The following ZNF257 variants were observed in gnomAD, a reference collection of about 807,000 sequenced individuals.
ZNF257 encodes zinc finger protein 257, also known as bone marrow zinc finger 4.
A neutral mutation model predicts 11.9 loss-of-function variants in ZNF257; 12 were observed. The ratio of observed to expected loss-of-function variants is 1.01; its 90% CI spans 0.65 to 1.63. ZNF257 has a LOEUF of 1.63. Among genes scored for constraint, ZNF257 ranks in the 40% most tolerant of loss-of-function variants. The probability of loss-of-function intolerance (pLI) is 0.00; values close to 1 mark genes in which losing one functional copy is unlikely to be tolerated. For missense variants in ZNF257, 580 were observed against 665.5 expected (o/e 0.87, Z 1.41); for synonymous variants, 183 against 222.7 (o/e 0.82, Z 1.59).
At chr19:22,083,346 C>G (rs777028760) in intron 3 of ZNF257, among the ~76,000 whole-genome samples, 2 of 151,982 alleles carry the variant, frequency 1.3e-5, no homozygotes, top group Non-Finnish European at 2.9e-5. Context: ...GTGGTGGGCG[C>G]CTGTAATCCA....
rs1368987219 is a variant in ZNF257, at chr19:22,089,989, C to T, written c.*547C>T. 6.5e-6 allele frequency: 1 copy of T among 154,744 alleles called. No individual in the cohort carries two copies. The highest frequency in any genetic ancestry group is 1.4e-5 in the Non-Finnish European group (1 of 69,794). 9.6% of individuals were successfully genotyped at this position (154,744 alleles called of 1,614,324 possible). Reference sequence around the variant, plus strand: ...ATGAAAAACTTTTAAATGGTTTTCACACTTGATTGCAGGTAAAATAATTTA... The same window carrying T: ...ATGAAAAACTTTTAAATGGTTTTCATACTTGATTGCAGGTAAAATAATTTA... On this transcript the variant is annotated 3_prime_UTR_variant, in exon 4 of 4. Coordinates refer to ENST00000594947, the MANE Select transcript of ZNF257 (RefSeq NM_033468.4).
At chr19:22,085,336 T>C (rs2022452581) in intron 3 of ZNF257, among the ~76,000 whole-genome samples, 1 of 152,168 alleles carries the variant, frequency 6.6e-6, no homozygotes, top group Non-Finnish European at 1.5e-5. Flanking sequence ...CCCAAAGTGC[T>C]GAGATTACAG....
intron 1 of ZNF257, among the ~76,000 whole-genome samples, chr19:22,055,686 C>T (rs1278775413): frequency 1.3e-5 from 2 of 152,072 alleles, no homozygotes; most frequent in African/African-American, 2.4e-5. Context: ...ATCTCTCAAG[C>T]GATTAGATGG....
chr19:22,070,096 A>C (rs1472395584), intron 1 of ZNF257, among the ~76,000 whole-genome samples: 2 of 151,832 alleles, frequency 1.3e-5, no homozygotes, highest in Non-Finnish European at 2.9e-5. Flanking sequence ...GTTTTCTGAA[A>C]TCCAAAAGCA....
rs2022614376 is a variant in ZNF257, at chr19:22,091,058, G to A, written c.*1616G>A. 2 of 152,016 alleles carry A rather than the reference G, an allele frequency of 1.3e-5. No homozygotes were observed. The highest frequency in any genetic ancestry group is 4.8e-5 in the African/African-American group (2 of 41,346). The allele number at this position is 152,016 out of a possible 1,614,324, so 9.4% of individuals were successfully genotyped here. On this transcript the variant is annotated 3_prime_UTR_variant, in exon 4 of 4. Transcript: ENST00000594947. ...TAAAATTAAAATAGTACCATATAAT[G>A]TTAGTGATTGTACTTTTATTTAATA...
At chr19:22,066,148 C>T (rs2021938773) in intron 1 of ZNF257, 1 of 153,202 alleles carries the variant, frequency 6.5e-6, no homozygotes, top group Non-Finnish European at 1.5e-5. Context: ...CTCTCAAATG[C>T]TTTGGGTGTC....
In ZNF257 at chr19:22,088,887, A is replaced by G; in HGVS notation, c.1137A>G (p.Lys379=). 3.1e-6 allele frequency: 5 copies of G among 1,612,230 alleles called. No homozygotes were observed. Among genetic ancestry groups the G allele is most frequent in the Non-Finnish European group, 4.2e-6 (5 of 1,178,778 alleles). The change falls in exon 4 of 4, where the codon AAA becomes AAG. Residue 379 remains lysine, a synonymous_variant. Transcript: ENST00000594947. The part of the protein sequence containing the change: ...EKPYKCEECG[K]AFNRSSHLTK... Reference sequence around the variant, plus strand: ...CCTACAAATGTGAAGAGTGTGGAAAAGCCTTTAACCGGTCTTCACACCTTA... The same window carrying G: ...CCTACAAATGTGAAGAGTGTGGAAAGGCCTTTAACCGGTCTTCACACCTTA...
chr19:22,055,994 G>T (rs572837411), intron 1 of ZNF257, among the ~76,000 whole-genome samples: 84 of 150,002 alleles, frequency 5.6e-4, no homozygotes, highest in African/African-American at 2.0e-3. Context: ...GGCGGAGCTT[G>T]CAGTGAGCCG....
At chr19:22,073,699 A>AT (rs997257822) in intron 3 of ZNF257, 135 bp downstream of exon 3, 17,433 of 1,076,256 alleles carry the variant, frequency 0.016, no homozygotes, top group South Asian at 0.023. Flanking sequence ...CTGAGTTTGC[A>AT]TTTTTTTTTT....
In ZNF257 at chr19:22,052,493, C is replaced by A; in HGVS notation, c.-140C>A. 9.9e-7 allele frequency: 1 copy of A among 1,006,658 alleles called. No homozygotes were observed. The highest frequency in any genetic ancestry group is 1.3e-5 in the South Asian group (1 of 74,874). 62.4% of individuals were successfully genotyped at this position (1,006,658 alleles called of 1,614,324 possible). A position where few individuals can be genotyped will look rare whatever the true frequency, so the allele number is the denominator to read the frequency against. On this transcript the variant is annotated 5_prime_UTR_variant, in exon 1 of 4. Coordinates refer to ENST00000594947, the MANE Select transcript of ZNF257 (RefSeq NM_033468.4). ...TCCGGGTTTGGCGGGTACTTTGTCT[C>A]TCGCTCTAGCCCGAGCTGCAGGTCT...
At chr19:22,053,629 A>G (rs1338051333) in intron 1 of ZNF257, among the ~76,000 whole-genome samples, 2 of 152,120 alleles carry the variant, frequency 1.3e-5, no homozygotes, top group South Asian at 2.1e-4. Flanking sequence ...AGTAATTTAT[A>G]AAAACATGCG....
chr19:22,088,763 A>G lies in ZNF257; in HGVS notation c.1013A>G (p.His338Arg), dbSNP rs904610560. The change falls in exon 4 of 4, where the codon CAT becomes CGT. Residue 338 changes from histidine (H) to arginine (R), a missense_variant. His to Arg is a conservative substitution (Grantham distance 29, BLOSUM62 0). Transcript: ENST00000594947. Reference protein sequence around the residue: ...SSALTRHKMIHTGEKPFQCEE... With the variant: ...SSALTRHKMIRTGEKPFQCEE... Reference sequence around the variant, plus strand: ...GCCCTTACTCGACATAAGATGATTCATACTGGAGAGAAACCCTTCCAATGT... The same window carrying G: ...GCCCTTACTCGACATAAGATGATTCGTACTGGAGAGAAACCCTTCCAATGT... 3 of 1,612,862 alleles carry G rather than the reference A, an allele frequency of 1.9e-6. No homozygotes were observed. The highest frequency in any genetic ancestry group is 1.1e-5 in the South Asian group (1 of 91,030).
chr19:22,053,042 A>C (rs910365143), intron 1 of ZNF257, among the ~76,000 whole-genome samples: 36 of 152,262 alleles, frequency 2.4e-4, no homozygotes, highest in African/African-American at 8.4e-4. Flanking sequence ...AATATACAGA[A>C]GTCACCGCAA....
chr19:22,061,862 G>T (rs1284059100), intron 1 of ZNF257, among the ~76,000 whole-genome samples: 1 of 140,768 alleles, frequency 7.1e-6, no homozygotes, highest in Non-Finnish European at 1.5e-5. Context: ...AAATTTTGTT[G>T]AAAGCTTTTT....
At chr19:22,078,261 A>T (rs2022278390) in intron 3 of ZNF257, among the ~76,000 whole-genome samples, 1 of 143,300 alleles carries the variant, frequency 7.0e-6, no homozygotes, top group Non-Finnish European at 1.5e-5. Flanking sequence ...AAAAAAAATT[A>T]TAGTGGCCAT....
intron 1 of ZNF257, among the ~76,000 whole-genome samples, chr19:22,054,508 C>T (rs1398319712): frequency 6.6e-6 from 1 of 152,212 alleles, no homozygotes; most frequent in Non-Finnish European, 1.5e-5. Flanking sequence ...TTCTGACATT[C>T]CCAAATGCCA....
intron 3 of ZNF257, chr19:22,075,405 G>T (rs1171055616): frequency 6.6e-6 from 1 of 152,356 alleles, no homozygotes; most frequent in Non-Finnish European, 1.5e-5. Context: ...GGCCCAGGAA[G>T]CTGGAACTGA....
intron 3 of ZNF257, chr19:22,074,256 T>A (rs1236257998): frequency 1.3e-5 from 2 of 152,096 alleles, no homozygotes; most frequent in Non-Finnish European, 2.9e-5. Flanking sequence ...CAAATTTATT[T>A]TTGTCTTCTC....
intron 3 of ZNF257, among the ~76,000 whole-genome samples, chr19:22,080,600 A>G (rs192327494): frequency 6.1e-5 from 9 of 147,322 alleles, no homozygotes; most frequent in Admixed American, 2.7e-4. Context: ...TTTTTTTTAA[A>G]TAAATTATCT....
Sources: gnomAD v4.1 joint callset for allele counts (sites outside exome capture counted in the v4.1 genomes callset) on GRCh38, gnomAD v4.1.1 for gene constraint, MANE v1.5 for transcripts, NCBI Gene and HGNC (gene_info 2026-07-23, HGNC 2026-07-21) for gene names.